Variants in VRK1 observed in about 807,000 individuals in gnomAD.
VRK1 encodes the protein VRK serine/threonine kinase 1.
In VRK1, 33 loss-of-function variants were observed where a neutral mutation model predicts 57.1. The observed-to-expected ratio is 0.58, with a 90% CI of 0.44 to 0.77. VRK1 has a LOEUF of 0.77. Among genes scored for constraint, VRK1 ranks in the 30% least tolerant of loss-of-function variants. The pLI is 0.00. For synonymous variants in VRK1, 137 were observed against 147.8 expected (o/e 0.93, Z 0.53); for missense variants, 413 against 477.3 (o/e 0.87, Z 1.25).
chr14:96,873,122 G>C (rs1888891292), intron 11 of VRK1, among the ~76,000 whole-genome samples: 2 of 152,270 alleles, frequency 1.3e-5, no homozygotes, highest in South Asian at 4.1e-4. Flanking sequence ...CCATGAATCT[G>C]ATTGGCTTTT....
At chr14:96,824,875 G>C (rs368823733) in intron 1 of VRK1, among the ~76,000 whole-genome samples, 1 of 151,798 alleles carries the variant, frequency 6.6e-6, no homozygotes, top group Admixed American at 6.6e-5. Flanking sequence ...GGATGGTCTC[G>C]ATCTCCTGAC....
At chr14:96,858,553 A>G (rs1160563626) in intron 10 of VRK1, among the ~76,000 whole-genome samples, 1 of 152,160 alleles carries the variant, frequency 6.6e-6, no homozygotes, top group Non-Finnish European at 1.5e-5. Flanking sequence ...GTCTACCTGC[A>G]GTTGGTTTTT....
intron 1 of VRK1, among the ~76,000 whole-genome samples, chr14:96,832,239 A>G (rs1044742411): frequency 2.0e-5 from 3 of 152,134 alleles, no homozygotes; most frequent in Non-Finnish European, 2.9e-5. Flanking sequence ...TGTATGTAGC[A>G]TGTCTAGGCT....
intron 11 of VRK1, among the ~76,000 whole-genome samples, chr14:96,872,773 T>C (rs763203213): frequency 5.3e-5 from 8 of 152,228 alleles, no homozygotes; most frequent in Non-Finnish European, 1.0e-4. Flanking sequence ...TGTGGCATAA[T>C]AACATGTTTG....
intron 1 of VRK1, among the ~76,000 whole-genome samples, chr14:96,806,628 T>TA (rs1224912084): frequency 2.6e-5 from 4 of 152,178 alleles, no homozygotes; most frequent in African/African-American, 7.2e-5. Context: ...ATACCTATCT[T>TA]AGAGTTGTTG....
At chr14:96,814,103 G>A (rs551610611) in intron 1 of VRK1, among the ~76,000 whole-genome samples, 2 of 152,006 alleles carry the variant, frequency 1.3e-5, no homozygotes, top group African/African-American at 4.8e-5. Context: ...ATGGTTAATC[G>A]ATTCTTTGTG....
chr14:96,866,977 T>C (rs948304006), intron 11 of VRK1, among the ~76,000 whole-genome samples: 1 of 152,230 alleles, frequency 6.6e-6, no homozygotes, highest in Non-Finnish European at 1.5e-5. Context: ...TTAGAATTTA[T>C]GTTCTTTTCT....
At chr14:96,842,379 T>G (rs967078275) in intron 3 of VRK1, among the ~76,000 whole-genome samples, 7 of 152,244 alleles carry the variant, frequency 4.6e-5, no homozygotes, top group African/African-American at 9.6e-5. Flanking sequence ...GAACTGTTTA[T>G]GAACATTTGT....
chr14:96,873,087 C>T (rs1379823664), intron 11 of VRK1, among the ~76,000 whole-genome samples: 1 of 152,100 alleles, frequency 6.6e-6, no homozygotes, highest in Non-Finnish European at 1.5e-5. Context: ...ATAACACTGC[C>T]CGAGTACGCA....
At chr14:96,813,770 A>C (rs559092825) in intron 1 of VRK1, among the ~76,000 whole-genome samples, 2 of 152,020 alleles carry the variant, frequency 1.3e-5, no homozygotes, top group African/African-American at 2.4e-5. Context: ...CCACCTTAAG[A>C]CTTCTTGTTT....
intron 1 of VRK1, among the ~76,000 whole-genome samples, chr14:96,802,635 G>A (rs28775320): frequency 0.047 from 7,196 of 152,306 alleles, 194 homozygotes; most frequent in Non-Finnish European, 0.063. Context: ...CTTGTTTATG[G>A]TGATGGTTAC....
intron 1 of VRK1, among the ~76,000 whole-genome samples, chr14:96,820,843 C>T (rs907096409): frequency 1.1e-4 from 16 of 152,118 alleles, no homozygotes; most frequent in African/African-American, 3.9e-4. Flanking sequence ...GATGATGGAT[C>T]GTTAGGCATT....
chr14:96,846,938 G>T (rs560831913), intron 4 of VRK1, among the ~76,000 whole-genome samples: 2 of 152,092 alleles, frequency 1.3e-5, no homozygotes, highest in Admixed American at 1.3e-4. Flanking sequence ...GTGTCTTGAG[G>T]GGTGGGGGTT....
chr14:96,800,132 A>G (rs968759891), intron 1 of VRK1, among the ~76,000 whole-genome samples: 4 of 152,040 alleles, frequency 2.6e-5, no homozygotes, highest in African/African-American at 9.7e-5. Flanking sequence ...TGTAACCAAG[A>G]TGTATTTTTA....
In VRK1 at chr14:96,845,573, A is replaced by G. The variant is rs148273269; in HGVS notation, c.217-522A>G. On this transcript the variant is annotated intron_variant, in intron 3 of 12. Coordinates refer to ENST00000216639, the MANE Select transcript of VRK1 (RefSeq NM_003384.3). The stretch of plus-strand genomic sequence containing the variant: ...AAGGATGCAGGTTAGTGGACAGTGC[A>G]TGCTTGTTCAGGAGATGCATAATAT... Among the ~76,000 whole-genome samples the G allele has an allele frequency of 9.2e-5, 14 of 152,316 alleles. No homozygotes were observed. The East Asian group carries it at 2.7e-3, about 29-fold the overall frequency.
intron 6 of VRK1, 47 bp from the exon 7 acceptor site, chr14:96,853,027 C>T: frequency 6.2e-7 from 1 of 1,605,772 alleles, no homozygotes; most frequent in Non-Finnish European, 8.5e-7. Flanking sequence ...CCTCTGCTGG[C>T]TGGTGTTAGG....
At chr14:96,852,982 A>G (rs745527178) in intron 6 of VRK1, 43 bp downstream of exon 6, 1 of 1,606,814 alleles carries the variant, frequency 6.2e-7, no homozygotes, top group South Asian at 1.1e-5. Flanking sequence ...AATTGTTTTG[A>G]GTACAGTAAA....
intron 3 of VRK1, among the ~76,000 whole-genome samples, chr14:96,845,218 T>TTG (rs11436802): frequency 6.6e-6 from 1 of 151,778 alleles, no homozygotes; most frequent in South Asian, 2.1e-4. Context: ...AAACTTTTTT[T>TTG]AATTCCCAAT....
chr14:96,821,484 A>C (rs975645558), intron 1 of VRK1, among the ~76,000 whole-genome samples: 1 of 152,224 alleles, frequency 6.6e-6, no homozygotes, highest in African/African-American at 2.4e-5. Context: ...AGGTTATTCT[A>C]TACCCCTCTG....
Sources: allele counts gnomAD v4.1 joint callset (sites outside exome capture counted in the v4.1 genomes callset), GRCh38; gene constraint gnomAD v4.1.1; transcripts MANE v1.5; gene names NCBI Gene and HGNC (gene_info 2026-07-23, HGNC 2026-07-21).